The following CHN2 variants were observed in gnomAD, a reference collection of about 807,000 sequenced individuals.
The protein encoded by CHN2 is beta-chimaerin.
Under a neutral mutation model 56.3 loss-of-function variants are expected in CHN2, and 35 were observed. The observed-to-expected ratio is 0.62, with a 90% CI of 0.47 to 0.82. CHN2 has a LOEUF of 0.82. CHN2 is among the 40% of genes least tolerant of loss of function. CHN2 has a pLI of 0.00. For missense variants in CHN2, 491 were observed against 580.5 expected (o/e 0.85, Z 1.58); for synonymous variants, 210 against 212.8 (o/e 0.99, Z 0.12).
intron 6 of CHN2, among the ~76,000 whole-genome samples, chr7:29,456,441 C>T (rs1369050282): frequency 6.6e-6 from 1 of 152,174 alleles, no homozygotes; most frequent in African/African-American, 2.4e-5. Context: ...GAAGAAGAAC[C>T]ATTCTGGATC....
At chr7:29,308,062 G>A (rs1794306194) in intron 1 of CHN2, among the ~76,000 whole-genome samples, 1 of 152,112 alleles carries the variant, frequency 6.6e-6, no homozygotes, top group Non-Finnish European at 1.5e-5. Context: ...GGGTATCTCG[G>A]CATACAAATA....
intron 1 of CHN2, among the ~76,000 whole-genome samples, chr7:29,323,983 G>A (rs1475246435): frequency 3.3e-5 from 5 of 151,538 alleles, no homozygotes; most frequent in African/African-American, 9.7e-5. Flanking sequence ...CAGCCTGGGC[G>A]ACAGAGCGAG....
At chr7:29,413,814 G>C (rs1803468678) in intron 6 of CHN2, among the ~76,000 whole-genome samples, 1 of 152,172 alleles carries the variant, frequency 6.6e-6, no homozygotes, top group Admixed American at 6.5e-5. Context: ...TCATTTTAAA[G>C]CTTCTAAACA....
intron 1 of CHN2, chr7:29,195,314 G>C: frequency 3.1e-6 from 1 of 319,958 alleles, no homozygotes; most frequent in Non-Finnish European, 5.7e-6. Flanking sequence ...TGGAGCGGGG[G>C]CTGGCGGGGC....
chr7:29,339,375 C>T (rs1390878728), intron 1 of CHN2, among the ~76,000 whole-genome samples: 1 of 152,152 alleles, frequency 6.6e-6, no homozygotes, highest in East Asian at 1.9e-4. Context: ...CCTTAGCAGT[C>T]TCTTCCAGAC....
intron 6 of CHN2, among the ~76,000 whole-genome samples, chr7:29,449,274 A>T (rs1331251442): frequency 6.6e-6 from 1 of 152,206 alleles, no homozygotes; most frequent in Non-Finnish European, 1.5e-5. Context: ...AAAAAAAATA[A>T]TCTATGTGTC....
intron 1 of CHN2, among the ~76,000 whole-genome samples, chr7:29,346,318 A>G (rs771020224): frequency 1.3e-5 from 2 of 151,488 alleles, no homozygotes; most frequent in Non-Finnish European, 2.9e-5. Flanking sequence ...ACAACATCCC[A>G]CTCCTGCTGT....
intron 1 of CHN2, among the ~76,000 whole-genome samples, chr7:29,302,630 A>G (rs940448927): frequency 2.7e-5 from 4 of 148,320 alleles, no homozygotes; most frequent in Non-Finnish European, 4.4e-5. Flanking sequence ...GTCTAGCCCC[A>G]TTTTAACCAT....
chr7:29,226,574 A>C (rs1786216849), intron 1 of CHN2, among the ~76,000 whole-genome samples: 1 of 152,232 alleles, frequency 6.6e-6, no homozygotes, highest in South Asian at 2.1e-4. Context: ...CTAAAATGTC[A>C]TATGCTGTTA....
At chr7:29,333,241 T>C (rs868506053) in intron 1 of CHN2, among the ~76,000 whole-genome samples, 2 of 152,092 alleles carry the variant, frequency 1.3e-5, no homozygotes, top group Non-Finnish European at 2.9e-5. Flanking sequence ...CTGTATCCCA[T>C]CCTCCACGGC....
At chr7:29,409,379 C>T (rs1312216868) in intron 6 of CHN2, among the ~76,000 whole-genome samples, 1 of 151,852 alleles carries the variant, frequency 6.6e-6, no homozygotes, top group Admixed American at 6.6e-5. Context: ...AGTAATAAAC[C>T]TATTATGTGT....
intron 1 of CHN2, among the ~76,000 whole-genome samples, chr7:29,277,370 A>G (rs1791318443): frequency 6.6e-6 from 1 of 152,240 alleles, no homozygotes; most frequent in South Asian, 2.1e-4. Flanking sequence ...TGGCAGGCTG[A>G]TGTCAAGCCC....
intron 3 of CHN2, among the ~76,000 whole-genome samples, chr7:29,382,224 T>C (rs1283986090): frequency 1.3e-5 from 2 of 152,218 alleles, no homozygotes; most frequent in African/African-American, 4.8e-5. Context: ...TTTCATTTAA[T>C]GGTTTCTACT....
At chr7:29,299,303 T>C (rs1793456701) in intron 1 of CHN2, among the ~76,000 whole-genome samples, 1 of 152,318 alleles carries the variant, frequency 6.6e-6, no homozygotes, top group African/African-American at 2.4e-5. Context: ...CATAAGATAA[T>C]GTACTGTCTG....
chr7:29,436,299 A>T (rs1783218802), intron 6 of CHN2, among the ~76,000 whole-genome samples: 2 of 151,820 alleles, frequency 1.3e-5, no homozygotes, highest in Admixed American at 1.3e-4. Context: ...CATGTCAAGG[A>T]CTCCAGTACC....
chr7:29,428,736 T>G (rs1007235188), intron 6 of CHN2, among the ~76,000 whole-genome samples: 1 of 152,216 alleles, frequency 6.6e-6, no homozygotes, highest in African/African-American at 2.4e-5. Flanking sequence ...AAAAACTACT[T>G]ATATTAGCAC....
intron 3 of CHN2, among the ~76,000 whole-genome samples, chr7:29,377,338 AATATGATGATTCATGTTCATTCAT>A (rs1243829809): frequency 1.3e-5 from 2 of 152,192 alleles, no homozygotes; most frequent in Non-Finnish European, 2.9e-5. Flanking sequence ...ATTCAGTCTT[AATATGATGATTCATGTTCATTCAT>A]ATTCAGCATA....
chr7:29,251,943 C>A (rs1230494866), intron 1 of CHN2, among the ~76,000 whole-genome samples: 2 of 152,092 alleles, frequency 1.3e-5, no homozygotes, highest in African/African-American at 4.8e-5. Context: ...TTATATCCAT[C>A]TCAAAAATCT....
At chr7:29,417,333 CTTTTTTT>C (rs5883209) in intron 6 of CHN2, among the ~76,000 whole-genome samples, 1 of 121,152 alleles carries the variant, frequency 8.3e-6, no homozygotes, top group Admixed American at 8.8e-5. Flanking sequence ...TACTGTAACC[CTTTTTTT>C]TTTTTTTTTT....
Sources: allele counts gnomAD v4.1 joint callset (sites outside exome capture counted in the v4.1 genomes callset), GRCh38; gene constraint gnomAD v4.1.1; transcripts MANE v1.5; gene names NCBI Gene and HGNC (gene_info 2026-07-23, HGNC 2026-07-21).